WBP2NL: variants seen among roughly 807,000 people sequenced by gnomAD.
WBP2NL encodes postacrosomal sheath WW domain-binding protein.
WBP2NL carries 27 observed loss-of-function variants against 23.3 expected under a neutral mutation model. The observed-to-expected ratio is 1.16, with a 90% CI of 0.85 to 1.60. WBP2NL has a LOEUF of 1.60. WBP2NL is among the 40% of genes most tolerant of loss of function. The pLI is 0.00. For synonymous variants in WBP2NL, 151 were observed against 145.9 expected (o/e 1.03, Z -0.25); for missense variants, 370 against 389.5 (o/e 0.95, Z 0.42).
chr22:42,001,332 G>A (rs1921650794), intron 1 of WBP2NL: 1 of 692,332 alleles, frequency 1.4e-6, no homozygotes, highest in Non-Finnish European at 2.6e-6. Flanking sequence ...TCCAACTGAT[G>A]ACAATGTGAG....
chr22:42,056,814 G>A (rs1926052678), intron 8 of WBP2NL, among the ~76,000 whole-genome samples: 1 of 152,046 alleles, frequency 6.6e-6, no homozygotes, highest in Non-Finnish European at 1.5e-5. Context: ...GGAAAATGGG[G>A]TATCTAGTGC....
chr22:42,038,823 C>T (rs1487666412), intron 8 of WBP2NL, among the ~76,000 whole-genome samples: 5 of 152,038 alleles, frequency 3.3e-5, no homozygotes, highest in Admixed American at 6.6e-5. Flanking sequence ...AGGATGGTCT[C>T]GATCTCCTGA....
Position 42,027,038 on chromosome 22 carries a change from C to A in WBP2NL, c.787C>A (p.Pro263Thr). Residue 263 changes from proline to threonine, a missense_variant, in exon 6 of 6, where the codon CCT (proline) becomes ACT (threonine). By Grantham distance (38) the Pro-to-Thr change is conservative (BLOSUM62 -1). Coordinates refer to ENST00000328823, the MANE Select transcript of WBP2NL (RefSeq NM_152613.3). ...CCCACCTCTCGGATATGGAGCCCCA[C>A]CTGCAGGAAATGAAGGCCCGCCTGC... Reference protein sequence around the residue: ...GAPPLGYGAPPAGNEGPPAGY... With the variant: ...GAPPLGYGAPTAGNEGPPAGY... The A allele has an allele frequency of 1.2e-6, 2 of 1,614,136 alleles. No individual in the cohort carries two copies. The highest frequency in any genetic ancestry group is 1.7e-6 in the Non-Finnish European group (2 of 1,179,984).
At chr22:42,012,275 C>T (rs1922891608) in intron 1 of WBP2NL, among the ~76,000 whole-genome samples, 1 of 150,580 alleles carries the variant, frequency 6.6e-6, no homozygotes, top group Admixed American at 6.6e-5. Context: ...ATTTGTTTTT[C>T]TTTAGTTCCT....
chr22:42,047,504 C>T (rs141735542), intron 8 of WBP2NL, among the ~76,000 whole-genome samples: 3,680 of 150,918 alleles, frequency 0.024, 132 homozygotes, highest in African/African-American at 0.081. Context: ...GCAGGAGAAT[C>T]GCTTGAACCT....
chr22:42,014,799 G>C (rs770597529), intron 1 of WBP2NL, among the ~76,000 whole-genome samples: 4 of 152,124 alleles, frequency 2.6e-5, no homozygotes, highest in Non-Finnish European at 1.5e-5. Flanking sequence ...TAGAATTTCT[G>C]TTTGGTTCCT....
intron 1 of WBP2NL, chr22:42,001,721 G>T: frequency 8.2e-7 from 1 of 1,214,356 alleles, no homozygotes; most frequent in Non-Finnish European, 1.2e-6. Context: ...AGCCTGGGTG[G>T]GGGAAGTATC....
intron 8 of WBP2NL, among the ~76,000 whole-genome samples, chr22:42,055,063 G>A (rs1483151869): frequency 6.6e-6 from 1 of 151,904 alleles, no homozygotes; most frequent in Non-Finnish European, 1.5e-5. Context: ...TTCTTGAGAT[G>A]GAGTTTTGCT....
chr22:42,014,803 G>C (rs1243984458), intron 1 of WBP2NL, among the ~76,000 whole-genome samples: 1 of 152,024 alleles, frequency 6.6e-6, no homozygotes, highest in South Asian at 2.1e-4. Flanking sequence ...ATTTCTGTTT[G>C]GTTCCTTTTA....
chr22:42,019,345 T>A lies in WBP2NL; in HGVS notation c.97T>A (p.Phe33Ile). The A allele has an allele frequency of 1.9e-6, 3 of 1,614,204 alleles. No individual in the cohort carries two copies. The highest frequency in any genetic ancestry group is 1.1e-5 in the South Asian group (1 of 91,084). Residue 33 changes from phenylalanine (F) to isoleucine (I), a missense_variant, in exon 2 of 6, where the codon TTC (phenylalanine) becomes ATC (isoleucine). Coordinates refer to ENST00000328823, the MANE Select transcript of WBP2NL (RefSeq NM_152613.3). ...LKRSPNVELS[F>I]PQRSEGSNVF... Reference sequence around the variant, plus strand: ...GCGGTCTCCGAATGTGGAGCTCTCCTTCCCACAGCGATCAGAAGGCTCAAA... The same window carrying A: ...GCGGTCTCCGAATGTGGAGCTCTCCATCCCACAGCGATCAGAAGGCTCAAA...
chr22:42,049,705 C>CAAAAAAAAAAAA (rs1158837575), intron 8 of WBP2NL, among the ~76,000 whole-genome samples: 18 of 37,482 alleles, frequency 4.8e-4, no homozygotes, highest in South Asian at 1.1e-3. Flanking sequence ...CAAAACAAAA[C>CAAAAAAAAAAAA]AAAAAAAAAA....
At position 42,019,661 on chromosome 22, in the gene WBP2NL, G is replaced by C; in HGVS notation, c.172-1G>C. ...TTTCCAAAGTTTCTGTCCTTGCGTA[G>C]GTGATTTTCATAACTTCATGCTCCA... On this transcript the variant is annotated splice_acceptor_variant, in intron 2 of 5. Transcript: ENST00000328823. LOFTEE classifies it high-confidence loss of function. 1 of 1,613,990 alleles carries C rather than the reference G, an allele frequency of 6.2e-7. No homozygotes were observed. Among genetic ancestry groups the C allele is most frequent in the Non-Finnish European group, 8.5e-7 (1 of 1,180,016 alleles).
chr22:42,026,457 T>G (rs2082568971), intron 5 of WBP2NL, among the ~76,000 whole-genome samples: 1 of 152,074 alleles, frequency 6.6e-6, no homozygotes, highest in Non-Finnish European at 1.5e-5. Flanking sequence ...CAAACGCATA[T>G]TCCTCATTAA....
At chr22:42,036,530 T>G (rs1168039820), downstream of WBP2NL, among the ~76,000 whole-genome samples, 1 of 152,242 alleles carries the variant, frequency 6.6e-6, no homozygotes, top group Admixed American at 6.5e-5. Flanking sequence ...AATGGCTGTA[T>G]GAATGTATAT....
At chr22:42,057,241 CAGAG>C (rs1197509227) in intron 8 of WBP2NL, among the ~76,000 whole-genome samples, 2 of 152,098 alleles carry the variant, frequency 1.3e-5, no homozygotes, top group East Asian at 1.9e-4. Flanking sequence ...TTCTTTTTCT[CAGAG>C]AGGTTAATTT....
rs1408674971 is a variant in WBP2NL, at chr22:42,008,087, TCTTC to T, written c.62+9211_62+9214del. ...TTGTTTTTCTTCTCTTCTCTTCTCCTCTTCCTTTCCTTTCCTTTCCTTTCCTTTC... is the reference window on the plus strand; with the variant it reads ...TTGTTTTTCTTCTCTTCTCTTCTCCTCTTTCCTTTCCTTTCCTTTCCTTTC... On this transcript the variant is annotated intron_variant, in intron 1 of 5. Transcript: ENST00000328823. 7.4e-5 allele frequency among the ~76,000 whole-genome samples: 7 copies of T among 94,780 alleles called. No homozygotes were observed. In the South Asian group the frequency reaches 2.3e-3, roughly 31 times the overall value. 62.2% of individuals were successfully genotyped at this position (94,780 alleles called of 152,430 possible).
chr22:42,048,150 G>A (rs377559791), intron 8 of WBP2NL, among the ~76,000 whole-genome samples: 5 of 151,608 alleles, frequency 3.3e-5, no homozygotes, highest in African/African-American at 9.7e-5. Context: ...GGCTGGGTGC[G>A]GTGGCTCACA....
At position 42,027,932 on chromosome 22, in the gene WBP2NL, G is replaced by C. The variant is rs568469485; in HGVS notation, c.*751G>C. The C allele has an allele frequency of 3.3e-5, 13 of 398,456 alleles. No homozygotes were observed. The South Asian group carries it at 1.7e-3, about 51-fold the overall frequency. 24.7% of individuals were successfully genotyped at this position (398,456 alleles called of 1,614,324 possible). A position where few individuals can be genotyped will look rare whatever the true frequency, so the allele number is the denominator to read the frequency against. ...AGCATGGCCAGAAAACGTTTGAAAAGATGTTCAGCTTGACTAGTGTTAGGG... is the reference window on the plus strand; with the variant it reads ...AGCATGGCCAGAAAACGTTTGAAAACATGTTCAGCTTGACTAGTGTTAGGG... On this transcript the variant is annotated 3_prime_UTR_variant, in exon 6 of 6. Coordinates refer to ENST00000328823, the MANE Select transcript of WBP2NL (RefSeq NM_152613.3).
intron 5 of WBP2NL, among the ~76,000 whole-genome samples, chr22:42,023,746 C>A (rs1364067783): frequency 1.3e-5 from 2 of 152,004 alleles, no homozygotes; most frequent in Non-Finnish European, 2.9e-5. Flanking sequence ...CCGCCCGCCT[C>A]AGCCTCCCAA....
Sources: gnomAD v4.1 joint callset for allele counts (sites outside exome capture counted in the v4.1 genomes callset) on GRCh38, gnomAD v4.1.1 for gene constraint, MANE v1.5 for transcripts, NCBI Gene and HGNC (gene_info 2026-07-23, HGNC 2026-07-21) for gene names.